The following AGPAT4 variants were observed in gnomAD, a reference collection of about 807,000 sequenced individuals.
AGPAT4 encodes the protein 1-acylglycerol-3-phosphate O-acyltransferase 4.
A neutral mutation model predicts 48.0 loss-of-function variants in AGPAT4; 15 were observed. The ratio of observed to expected loss-of-function variants is 0.31; its 90% CI spans 0.21 to 0.48. The LOEUF is 0.48. Ranked by LOEUF, AGPAT4 falls within the 20% of genes least tolerant of loss-of-function variation. The pLI is 0.99. For synonymous variants in AGPAT4, 178 were observed against 198.7 expected, an observed-to-expected ratio of 0.90 and a Z score of 0.88; for missense variants, 314 against 482.5, an observed-to-expected ratio of 0.65 and a Z score of 3.27.
intron 2 of AGPAT4, among the ~76,000 whole-genome samples, chr6:161,205,278 C>A (rs1487397574): frequency 1.3e-5 from 2 of 152,124 alleles, no homozygotes; most frequent in East Asian, 3.9e-4. Flanking sequence ...CAGGCATGGT[C>A]AAAGAAACTC....
chr6:161,266,228 T>C lies in AGPAT4; in HGVS notation c.-90+7710A>G, dbSNP rs1783261015. On this transcript the variant is annotated intron_variant, in intron 1 of 8. Transcript: ENST00000320285. The surrounding 1 kb of genome is among the most constrained non-coding windows in gnomAD (Gnocchi z 6.2). ...ATAAAGGATTAATGGGCCCAAAATC[T>C]CAACATCGAGATTGAGAAACACCTC... 6.6e-6 allele frequency among the ~76,000 whole-genome samples: 1 copy of C among 152,132 alleles called. No individual in the cohort carries two copies. Among genetic ancestry groups the C allele is most frequent in the Non-Finnish European group, 1.5e-5 (1 of 68,026 alleles).
At chr6:161,239,502 T>C (rs1208668043) in intron 1 of AGPAT4, among the ~76,000 whole-genome samples, 2 of 152,250 alleles carry the variant, frequency 1.3e-5, no homozygotes, top group Admixed American at 6.5e-5. Context: ...TTGTTTTTAA[T>C]ATAGATTCAC....
intron 2 of AGPAT4, among the ~76,000 whole-genome samples, chr6:161,175,504 T>C (rs968590601): frequency 6.6e-6 from 1 of 152,222 alleles, no homozygotes; most frequent in Non-Finnish European, 1.5e-5. Flanking sequence ...ATCCCCTTTA[T>C]CATTTTTTAT....
rs1020786450 is a variant in AGPAT4, at chr6:161,229,856, G to A, written c.178+2180C>T. ...GGACATAGGCAAAGGTCATTGCTGG[G>A]GTGCATCTGGATGGAGGTGCTTCCT... On this transcript the variant is annotated intron_variant, in intron 2 of 8. Transcript: ENST00000320285. This position sits in a 1 kb window ranked among gnomAD's most constrained non-coding sequence, Gnocchi z 6.0. Among the ~76,000 whole-genome samples, 1 of 152,098 alleles carries A rather than the reference G, an allele frequency of 6.6e-6. No homozygotes were observed. The highest frequency in any genetic ancestry group is 2.4e-5 in the African/African-American group (1 of 41,410).
At position 161,221,861 on chromosome 6, in the gene AGPAT4, C is replaced by T. The variant is rs879440800; in HGVS notation, c.178+10175G>A. On this transcript the variant is annotated intron_variant, in intron 2 of 8. Coordinates refer to ENST00000320285, the MANE Select transcript of AGPAT4 (RefSeq NM_020133.3). This position sits in a 1 kb window ranked among gnomAD's most constrained non-coding sequence, Gnocchi z 4.5. Reference sequence around the variant, plus strand: ...TCTCTGTGTCCACATTTTATAAAGACGCAGTCTTGTGGGATTAGGGCATAC... The same window carrying T: ...TCTCTGTGTCCACATTTTATAAAGATGCAGTCTTGTGGGATTAGGGCATAC... 3.3e-5 allele frequency among the ~76,000 whole-genome samples: 5 copies of T among 152,260 alleles called. No individual in the cohort carries two copies. The highest frequency in any genetic ancestry group is 1.9e-4 in the East Asian group (1 of 5,184).
At position 161,145,429 on chromosome 6, in the gene AGPAT4, T is replaced by C. The variant is rs530925124; in HGVS notation, c.843+1095A>G. ...GAAAGAGGCCCACATGCCAGCTCTG[T>C]GCAGTGATGGTATAAAGGCATCATC... On this transcript the variant is annotated intron_variant, in intron 7 of 8. Coordinates refer to ENST00000320285, the MANE Select transcript of AGPAT4 (RefSeq NM_020133.3). 7.9e-5 allele frequency among the ~76,000 whole-genome samples: 12 copies of C among 151,674 alleles called. No homozygotes were observed. The South Asian group carries it at 2.5e-3, about 31-fold the overall frequency.
At chr6:161,194,371 T>G (rs1275486746) in intron 2 of AGPAT4, among the ~76,000 whole-genome samples, 2 of 152,174 alleles carry the variant, frequency 1.3e-5, no homozygotes, top group African/African-American at 2.4e-5. Flanking sequence ...AATGATGCTT[T>G]ATGAGCTGCT....
In AGPAT4 at chr6:161,151,452, C is replaced by A. The variant is rs3778222; in HGVS notation, c.664+1894G>T. 1.2e-4 allele frequency among the ~76,000 whole-genome samples: 18 copies of A among 152,334 alleles called. No individual in the cohort carries two copies. In the South Asian group the frequency reaches 3.7e-3, roughly 32 times the overall value. On this transcript the variant is annotated intron_variant, in intron 5 of 8. Coordinates refer to ENST00000320285, the MANE Select transcript of AGPAT4 (RefSeq NM_020133.3). ...CTGAGGCAAAGCTCAGTTAGGGAGC[C>A]GCGCTGGCCCAACCCAGAGGGGATG...
rs148349043 is a variant in AGPAT4, at chr6:161,238,337, C to G, written c.-89-6035G>C. ...CAGGATGCCTGGAACGGGGAAAACC[C>G]CAAGTAATGGGGGATTTTTCTATCA... On this transcript the variant is annotated intron_variant, in intron 1 of 8. Transcript: ENST00000320285. This position sits in a 1 kb window ranked among gnomAD's most constrained non-coding sequence, Gnocchi z 5.2. 8.4e-3 allele frequency among the ~76,000 whole-genome samples: 1,279 copies of G among 152,230 alleles called. 3 individuals are homozygous for G. The highest frequency in any genetic ancestry group is 0.013 in the Non-Finnish European group (898 of 67,990).
chr6:161,193,227 T>C (rs972194828), intron 2 of AGPAT4, among the ~76,000 whole-genome samples: 2 of 152,380 alleles, frequency 1.3e-5, no homozygotes, highest in South Asian at 4.1e-4. Flanking sequence ...GATATTTCCT[T>C]CTGATGTGTC....
At position 161,161,108 on chromosome 6, in the gene AGPAT4, A is replaced by T; in HGVS notation, c.348+5140T>A. On this transcript the variant is annotated intron_variant, in intron 3 of 8. Coordinates refer to ENST00000320285, the MANE Select transcript of AGPAT4 (RefSeq NM_020133.3). This position sits in a 1 kb window ranked among gnomAD's most constrained non-coding sequence, Gnocchi z 4.6. ...ACCGTTTGCTGAGGGCTGCGCACAGAGGAGGAGGAAGCCCCAAGCTTTCAA... is the reference window on the plus strand; with the variant it reads ...ACCGTTTGCTGAGGGCTGCGCACAGTGGAGGAGGAAGCCCCAAGCTTTCAA... 1 of 456,700 alleles carries T rather than the reference A, an allele frequency of 2.2e-6. No homozygotes were observed. The highest frequency in any genetic ancestry group is 4.4e-6 in the Non-Finnish European group (1 of 226,968). The allele number at this position is 456,700 out of a possible 1,614,324, so 28.3% of individuals were successfully genotyped here. A position where few individuals can be genotyped will look rare whatever the true frequency, so the allele number is the denominator to read the frequency against.
Position 161,136,380 on chromosome 6 carries a change from C to T in AGPAT4, c.*160G>A, listed in dbSNP as rs1346462943. On this transcript the variant is annotated 3_prime_UTR_variant, in exon 9 of 9. Transcript: ENST00000320285. ...AAAAGATTACAAAACATCTTCCTCC[C>T]CATCCGGCCTTGAGACCAGACTCCC... is the stretch of plus-strand genomic sequence containing the variant. 2 of 620,970 alleles carry T rather than the reference C, an allele frequency of 3.2e-6. No homozygotes were observed. The highest frequency in any genetic ancestry group is 5.7e-6 in the Non-Finnish European group (2 of 350,734). The allele number at this position is 620,970 out of a possible 1,614,324, so 38.5% of individuals were successfully genotyped here.
chr6:161,194,972 A>G (rs1312329880), intron 2 of AGPAT4, among the ~76,000 whole-genome samples: 1 of 152,156 alleles, frequency 6.6e-6, no homozygotes, highest in Non-Finnish European at 1.5e-5. Flanking sequence ...CCTTAGATAA[A>G]TTCCTGCCTT....
chr6:161,250,141 T>C (rs1782767512), intron 1 of AGPAT4, among the ~76,000 whole-genome samples: 2 of 152,094 alleles, frequency 1.3e-5, no homozygotes, highest in Admixed American at 1.3e-4. Context: ...AACTAAATGA[T>C]GAGAACACAT....
rs1351236327 is a variant in AGPAT4 at position 161,154,581 on chromosome 6, A to G, written c.349-271T>C. Reference sequence around the variant, plus strand: ...AGACGGCAGGAGTCAAGAAGGCAGCAGCGAGCAGTCACAGGTATTCAGGGT... The same window carrying G: ...AGACGGCAGGAGTCAAGAAGGCAGCGGCGAGCAGTCACAGGTATTCAGGGT... On this transcript the variant is annotated intron_variant, in intron 3 of 8. Coordinates refer to ENST00000320285, the MANE Select transcript of AGPAT4 (RefSeq NM_020133.3). The surrounding 1 kb of genome is among the most constrained non-coding windows in gnomAD (Gnocchi z 7.8). Among the ~76,000 whole-genome samples, 1 of 152,192 alleles carries G rather than the reference A, an allele frequency of 6.6e-6. No homozygotes were observed. The highest frequency in any genetic ancestry group is 1.5e-5 in the Non-Finnish European group (1 of 68,042).
intron 2 of AGPAT4, among the ~76,000 whole-genome samples, chr6:161,207,608 T>G (rs528838081): frequency 6.6e-6 from 1 of 152,150 alleles, no homozygotes; most frequent in South Asian, 2.1e-4. Context: ...TTCCAGTGAA[T>G]GGGGACCTGC....
rs140952214 is a variant in AGPAT4, at chr6:161,190,737, C to T, written c.179-24320G>A. ...AGACAAGCAATATGCCAATATAGGT[C>T]TGAAGGAAAAAGGAACAATTTATAT... On this transcript the variant is annotated intron_variant, in intron 2 of 8. Transcript: ENST00000320285. Among the ~76,000 whole-genome samples the T allele has an allele frequency of 2.1e-3, 312 of 152,152 alleles. 4 individuals carry two copies. Among genetic ancestry groups the T allele is most frequent in the Admixed American group, 0.019 (288 of 15,272 alleles).
intron 2 of AGPAT4, among the ~76,000 whole-genome samples, chr6:161,228,883 A>G (rs987048532): frequency 2.0e-5 from 3 of 151,950 alleles, no homozygotes; most frequent in African/African-American, 7.3e-5. Context: ...CAAAAATAAG[A>G]CAAAGCAACC....
intron 1 of AGPAT4, among the ~76,000 whole-genome samples, chr6:161,250,258 G>A (rs1782771125): frequency 6.6e-6 from 1 of 152,042 alleles, no homozygotes; most frequent in South Asian, 2.1e-4. Flanking sequence ...TTTAATACCT[G>A]GTGACAAAAT....
Sources: gnomAD v4.1 joint callset for allele counts (sites outside exome capture counted in the v4.1 genomes callset) on GRCh38, gnomAD v4.1.1 for gene constraint, Gnocchi (gnomAD v3.1) non-coding constraint, MANE v1.5 for transcripts, NCBI Gene and HGNC (gene_info 2026-07-23, HGNC 2026-07-21) for gene names.